Variants in REXO1 observed in about 807,000 individuals in gnomAD.
REXO1 encodes REX1, RNA exonuclease 1 homolog.
Under a neutral mutation model 102.6 loss-of-function variants are expected in REXO1, and 42 were observed. That is an observed-to-expected ratio of 0.41 (90% CI 0.32 to 0.53). REXO1 has a LOEUF of 0.53. Ranked by LOEUF, REXO1 falls within the 20% of genes least tolerant of loss-of-function variation. REXO1 has a pLI of 0.27. For missense variants in REXO1, 1,819 were observed against 1,732.5 expected, an observed-to-expected ratio of 1.05 and a Z score of -0.89; for synonymous variants, 908 against 779.1, an observed-to-expected ratio of 1.17 and a Z score of -2.76.
rs1195325446 is a variant in REXO1 at position 1,827,184 on chromosome 19, C to A, written c.1605G>T (p.Val535=). 40 of 1,540,678 alleles carry A rather than the reference C, an allele frequency of 2.6e-5. No individual in the cohort carries two copies. Among genetic ancestry groups the A allele is most frequent in the Non-Finnish European group, 3.4e-5 (39 of 1,146,594 alleles). The change falls in exon 2 of 16, where the codon GTG becomes GTT. Residue 535 remains valine, a synonymous_variant. Transcript: ENST00000170168. ...GGAGGGCAGAGGGCCACACGCTCGG[C>A]ACCCCTGGCCCTGCGGCCTCGTCCT... The part of the protein sequence containing the change: ...ESEDEAAGPG[V]PSVWPSALPS...
At chr19:1,819,260 C>A (rs1173715912) in intron 7 of REXO1, 129 bp from the exon 8 acceptor site, 1 of 702,316 alleles carries the variant, frequency 1.4e-6, no homozygotes, top group Non-Finnish European at 2.3e-6. Flanking sequence ...GACAGCACCC[C>A]ACTGACCCCG....
chr19:1,842,199 G>C (rs1339069720), intron 1 of REXO1, among the ~76,000 whole-genome samples: 1 of 146,528 alleles, frequency 6.8e-6, no homozygotes, highest in Non-Finnish European at 1.5e-5. Flanking sequence ...AGACGACAGA[G>C]CCAGATTCCG....
intron 1 of REXO1, among the ~76,000 whole-genome samples, chr19:1,844,074 C>G (rs898035457): frequency 2.0e-5 from 3 of 152,244 alleles, no homozygotes; most frequent in African/African-American, 7.2e-5. Context: ...GTCACCGACA[C>G]CGGAGAGCCA....
At position 1,826,497 on chromosome 19, in the gene REXO1, A is replaced by G. The variant is rs771925535; in HGVS notation, c.1911+381T>C. ...AGATGGGGGAAGGGAGGAGGGGAGAAGAGAGGGGGAAGGGAGGAAAGGGGA... is the reference window on the plus strand; with the variant it reads ...AGATGGGGGAAGGGAGGAGGGGAGAGGAGAGGGGGAAGGGAGGAAAGGGGA... On this transcript the variant is annotated intron_variant, in intron 2 of 15. Transcript: ENST00000170168. This position sits in a 1 kb window ranked among gnomAD's most constrained non-coding sequence, Gnocchi z 4.3. Among the ~76,000 whole-genome samples, 10 of 112,240 alleles carry G rather than the reference A, an allele frequency of 8.9e-5. No homozygotes were observed. Among genetic ancestry groups the G allele is most frequent in the Non-Finnish European group, 1.3e-4 (7 of 55,380 alleles). 73.6% of individuals were successfully genotyped at this position (112,240 alleles called of 152,430 possible). A position where few individuals can be genotyped will look rare whatever the true frequency, so the allele number is the denominator to read the frequency against.
At chr19:1,830,462 T>C (rs561159541) in intron 1 of REXO1, among the ~76,000 whole-genome samples, 2 of 152,348 alleles carry the variant, frequency 1.3e-5, no homozygotes, top group African/African-American at 4.8e-5. Context: ...CGAGCCAGGA[T>C]TGTGCCTCTG....
rs538273391 is a variant in REXO1, at chr19:1,825,660, C to G, written c.2016+179G>C. On this transcript the variant is annotated intron_variant, in intron 3 of 15. Transcript: ENST00000170168. ...CCAGCTAATTTTTGTATTTTTAGTA[C>G]AGATGGGGTTTTGCCATGCTGGCCA... 9.5e-4 allele frequency among the ~76,000 whole-genome samples: 144 copies of G among 151,782 alleles called. 2 individuals are homozygous for G. The highest frequency in any genetic ancestry group is 7.9e-3 in the Admixed American group (121 of 15,240).
At chr19:1,831,188 C>T (rs1018065954) in intron 1 of REXO1, among the ~76,000 whole-genome samples, 1 of 152,188 alleles carries the variant, frequency 6.6e-6, no homozygotes, top group Admixed American at 6.5e-5. Flanking sequence ...CACACATCCC[C>T]GACAGGCTGA....
At chr19:1,820,197 T>C in intron 6 of REXO1, 67 bp downstream of exon 6, 1 of 1,566,510 alleles carries the variant, frequency 6.4e-7, no homozygotes, top group Non-Finnish European at 8.6e-7. Context: ...GGCCGGGGGA[T>C]GTCTGGGGAC....
At chr19:1,820,543 G>T (rs2069503231) in intron 5 of REXO1, 148 bp from the exon 6 acceptor site, 3 of 872,242 alleles carry the variant, frequency 3.4e-6, no homozygotes, top group African/African-American at 1.7e-5. Flanking sequence ...GGACAGACAC[G>T]CCAAGGCAAG....
At chr19:1,820,993 T>A in intron 5 of REXO1, among the ~76,000 whole-genome samples, 1 of 128,920 alleles carries the variant, frequency 7.8e-6, no homozygotes. Context: ...AGACCCTGTC[T>A]CTAAACAAAA....
chr19:1,824,562 G>A (rs899448747), intron 3 of REXO1: 5 of 152,204 alleles, frequency 3.3e-5, no homozygotes, highest in Non-Finnish European at 7.3e-5. Flanking sequence ...TGAACCAGAC[G>A]GAGTTTGAGG....
chr19:1,827,222 CAA>C lies in REXO1; in HGVS notation c.1565_1566del (p.Phe522TrpfsTer5). ...GCGGCCTCGTCCTCACTCTCGTCCC[CAA>C]AGAGGTCGGCGTGGCTCAGGGCCCG... ...KKRALSHADL[F>X]GDESEDEAAG... On this transcript the variant is annotated frameshift_variant, in exon 2 of 16. Transcript: ENST00000170168. LOFTEE classifies it high-confidence loss of function. 1 of 1,544,482 alleles carries C rather than the reference CAA, an allele frequency of 6.5e-7. No individual in the cohort carries two copies. The highest frequency in any genetic ancestry group is 8.7e-7 in the Non-Finnish European group (1 of 1,149,498).
rs759611009 is a variant in REXO1, at chr19:1,827,309, C to T, written c.1480G>A (p.Glu494Lys). The T allele has an allele frequency of 3.1e-5, 48 of 1,561,198 alleles. No individual in the cohort carries two copies. The highest frequency in any genetic ancestry group is 4.1e-5 in the Non-Finnish European group (47 of 1,158,468). ...TCGTCTAGTGAGCGGGCTTTCCGCT[C>T]CACTAGCTTCCCCGACGGGGCCTTG... ...STKAPSGKLV[E>K]RKARSLDEGA... Residue 494 changes from glutamate (E) to lysine (K), a missense_variant, in exon 2 of 16, where the codon GAG (glutamate) becomes AAG (lysine). By Grantham distance (56) the Glu-to-Lys change is moderately conservative. Transcript: ENST00000170168.
At position 1,827,625 on chromosome 19, in the gene REXO1, G is replaced by C. The variant is rs527363346; in HGVS notation, c.1164C>G (p.Ser388Arg). 7 of 1,575,762 alleles carry C rather than the reference G, an allele frequency of 4.4e-6. No individual in the cohort carries two copies. The highest frequency in any genetic ancestry group is 1.4e-5 in the African/African-American group (1 of 72,500). ...KKKTGAPPAPSCKDGAQGKDK... is the reference protein window; with the variant it reads ...KKKTGAPPAPRCKDGAQGKDK... ...CCTTCCCCTGGGCCCCGTCTTTGCA[G>C]CTGGGGGCAGGTGGGGCCCCGGTTT... is the stretch of plus-strand genomic sequence containing the variant. The change falls in exon 2 of 16, where the codon AGC becomes AGG. Residue 388 changes from serine (S) to arginine (R), a missense_variant. Ser to Arg is a moderately radical substitution (Grantham distance 110). Coordinates refer to ENST00000170168, the MANE Select transcript of REXO1 (RefSeq NM_020695.4).
Position 1,837,155 on chromosome 19 carries a change from C to T in REXO1, c.158-8524G>A, listed in dbSNP as rs574437061. ...CAGGGGCTGGTTGTGTCCACGGGAG[C>T]GCCCATCCCATAACAGACCCTCTGG... is the stretch of plus-strand genomic sequence containing the variant. On this transcript the variant is annotated intron_variant, in intron 1 of 15. Transcript: ENST00000170168. Among the ~76,000 whole-genome samples the T allele has an allele frequency of 7.9e-5, 12 of 152,330 alleles. No individual in the cohort carries two copies. In the South Asian group the frequency reaches 1.0e-3, roughly 13 times the overall value.
At chr19:1,845,969 A>G (rs2145343306) in intron 1 of REXO1, among the ~76,000 whole-genome samples, 1 of 152,242 alleles carries the variant, frequency 6.6e-6, no homozygotes, top group Non-Finnish European at 1.5e-5. Flanking sequence ...CCGTTTCCCC[A>G]CCGGCAGCAA....
In REXO1 at chr19:1,819,117, T is replaced by G. The variant is rs766956728; in HGVS notation, c.2665A>C (p.Arg889=). 101 of 1,575,586 alleles carry G rather than the reference T, an allele frequency of 6.4e-5. No individual in the cohort carries two copies. The highest frequency in any genetic ancestry group is 8.4e-5 in the Non-Finnish European group (97 of 1,158,218). The change falls in exon 8 of 16, where the codon AGG becomes CGG. Residue 889 remains arginine, a synonymous_variant. Coordinates refer to ENST00000170168, the MANE Select transcript of REXO1 (RefSeq NM_020695.4). ...AACACCACCTCGTGGGACACAACCCTGCGGCCACTGGTTTCTGGAAGGAAG... is the reference window on the plus strand; with the variant it reads ...AACACCACCTCGTGGGACACAACCCGGCGGCCACTGGTTTCTGGAAGGAAG... ...VPGLSKTSGR[R]VVSHEVVLGG...
chr19:1,827,871 G>T lies in REXO1; in HGVS notation c.918C>A (p.Thr306=), dbSNP rs897459309. The T allele has an allele frequency of 6.2e-7, 1 of 1,613,616 alleles. No homozygotes were observed. Among genetic ancestry groups the T allele is most frequent in the Non-Finnish European group, 8.5e-7 (1 of 1,179,874 alleles). Residue 306 remains threonine, a synonymous_variant, in exon 2 of 16, where the codon ACC becomes ACA. Transcript: ENST00000170168. The stretch of plus-strand genomic sequence containing the variant: ...TCTCAGGGTCGGCCCTGGCTTTGGG[G>T]GTGCTGGCCGTGGTGGGCTCGTTAC... ...VPGNEPTTAS[T]PKARADPEIK...
Position 1,828,386 on chromosome 19 carries a change from T to G in REXO1, c.403A>C (p.Ser135Arg), listed in dbSNP as rs770552466. The G allele has an allele frequency of 2.5e-6, 4 of 1,608,256 alleles. No homozygotes were observed. The highest frequency in any genetic ancestry group is 3.4e-6 in the Non-Finnish European group (4 of 1,177,564). The change falls in exon 2 of 16, where the codon AGC becomes CGC. Residue 135 changes from serine to arginine, a missense_variant. Ser to Arg is a moderately radical substitution (Grantham distance 110, BLOSUM62 -1). Coordinates refer to ENST00000170168, the MANE Select transcript of REXO1 (RefSeq NM_020695.4). The part of the protein sequence containing the change: ...PALAPRGPNA[S>R]PTVGPDEDAF... ...TCCTCGTCCGGGCCCACAGTGGGGC[T>G]GGCGTTGGGGCCGCGGGGCGCCAGG...
Sources: allele counts gnomAD v4.1 joint callset (sites outside exome capture counted in the v4.1 genomes callset), GRCh38; gene constraint gnomAD v4.1.1; non-coding constraint Gnocchi (gnomAD v3.1); transcripts MANE v1.5; gene names NCBI Gene and HGNC (gene_info 2026-07-23, HGNC 2026-07-21).